The following HS6ST3 variants were observed in gnomAD, a reference collection of about 807,000 sequenced individuals.
The protein encoded by HS6ST3 is heparan sulfate 6-O-sulfotransferase 3, also known as heparan-sulfate 6-O-sulfotransferase 3.
A neutral mutation model predicts 36.7 loss-of-function variants in HS6ST3; 12 were observed. The observed-to-expected ratio is 0.33, with a 90% CI of 0.21 to 0.53. The LOEUF (loss-of-function observed/expected upper bound fraction) is 0.53, where lower values mean the gene tolerates loss of function less well. Among genes scored for constraint, HS6ST3 ranks in the 20% least tolerant of loss-of-function variants. The pLI is 0.95. For missense variants in HS6ST3, 584 were observed against 640.9 expected, an observed-to-expected ratio of 0.91 and a Z score of 0.96; for synonymous variants, 240 against 257.5, an observed-to-expected ratio of 0.93 and a Z score of 0.65.
rs546614680 is a variant in HS6ST3 at position 96,599,351 on chromosome 13, T to C, written c.708-233139T>C. 7.3e-4 allele frequency among the ~76,000 whole-genome samples: 111 copies of C among 152,206 alleles called. 3 individuals carry two copies. Among genetic ancestry groups the C allele is most frequent in the Admixed American group, 6.5e-3 (99 of 15,280 alleles). Reference sequence around the variant, plus strand: ...CAGTCTGTTCAAAATTTCTATTTCTTCCTGATTCAGGCTTGGAAGATCGCA... The same window carrying C: ...CAGTCTGTTCAAAATTTCTATTTCTCCCTGATTCAGGCTTGGAAGATCGCA... On this transcript the variant is annotated intron_variant, in intron 1 of 1. Coordinates refer to ENST00000376705, the MANE Select transcript of HS6ST3 (RefSeq NM_153456.4).
At chr13:96,465,875 T>G (rs1286258288) in intron 1 of HS6ST3, among the ~76,000 whole-genome samples, 6 of 152,196 alleles carry the variant, frequency 3.9e-5, no homozygotes, top group Non-Finnish European at 8.8e-5. Context: ...ATTTTAAATT[T>G]TTAAAGATTT....
intron 1 of HS6ST3, among the ~76,000 whole-genome samples, chr13:96,118,643 A>AATATATATATAT: frequency 2.9e-5 from 2 of 67,984 alleles, no homozygotes; most frequent in African/African-American, 1.2e-4. Context: ...AAGAACATTA[A>AATATATATATAT]AGATATATAT....
intron 1 of HS6ST3, among the ~76,000 whole-genome samples, chr13:96,672,162 T>C (rs1348706028): frequency 2.0e-5 from 3 of 152,170 alleles, no homozygotes; most frequent in African/African-American, 7.2e-5. Context: ...GATTTTGCTC[T>C]CTTGTGTCTT....
intron 1 of HS6ST3, among the ~76,000 whole-genome samples, chr13:96,699,166 A>G (rs1259796433): frequency 6.6e-6 from 1 of 152,184 alleles, no homozygotes; most frequent in African/African-American, 2.4e-5. Flanking sequence ...AACCTAGGCA[A>G]TACCATTCAG....
chr13:96,722,615 A>G (rs978643060), intron 1 of HS6ST3, among the ~76,000 whole-genome samples: 3 of 152,166 alleles, frequency 2.0e-5, no homozygotes, highest in Non-Finnish European at 4.4e-5. Context: ...AACTCTGGGA[A>G]CCTTATTTTA....
chr13:96,119,832 A>T (rs1395526908), intron 1 of HS6ST3, among the ~76,000 whole-genome samples: 1 of 136,702 alleles, frequency 7.3e-6, no homozygotes, highest in Non-Finnish European at 1.6e-5. Flanking sequence ...TTGCCTTACG[A>T]TTAAAATTAC....
At chr13:96,620,079 A>G (rs1334822179) in intron 1 of HS6ST3, among the ~76,000 whole-genome samples, 1 of 152,196 alleles carries the variant, frequency 6.6e-6, no homozygotes, top group Non-Finnish European at 1.5e-5. Flanking sequence ...GAAAGTTTAT[A>G]GACTTTGGTG....
chr13:96,308,830 G>C (rs182509481), intron 1 of HS6ST3, among the ~76,000 whole-genome samples: 3 of 152,146 alleles, frequency 2.0e-5, no homozygotes, highest in East Asian at 3.9e-4. Context: ...CTAGTGGTAC[G>C]CATGATATAG....
In HS6ST3 at chr13:96,367,456, A is replaced by T. The variant is rs142139665; in HGVS notation, c.707+275887A>T. 8.4e-3 allele frequency among the ~76,000 whole-genome samples: 1,279 copies of T among 152,352 alleles called. 10 individuals are homozygous for T. Among genetic ancestry groups the T allele is most frequent in the South Asian group, 0.032 (153 of 4,826 alleles). ...TGTAATTAGTGTGTTTTAAGTAAAT[A>T]TTGATCCACAACTTCCTCAAATCAT... On this transcript the variant is annotated intron_variant, in intron 1 of 1. Transcript: ENST00000376705.
At chr13:96,600,446 T>C (rs949083814) in intron 1 of HS6ST3, among the ~76,000 whole-genome samples, 1 of 152,048 alleles carries the variant, frequency 6.6e-6, no homozygotes, top group Non-Finnish European at 1.5e-5. Context: ...TTGTTTACTG[T>C]GCTGTTTTAA....
chr13:96,149,107 A>C (rs2054071693), intron 1 of HS6ST3, among the ~76,000 whole-genome samples: 1 of 152,220 alleles, frequency 6.6e-6, no homozygotes, highest in Non-Finnish European at 1.5e-5. Context: ...CAGGGAAACA[A>C]ACTAGACTTG....
Position 96,414,408 on chromosome 13 carries a change from C to CATTT in HS6ST3, c.707+322841_707+322844dup, listed in dbSNP as rs532117711. ...GCAAAATATGAGGTCCAAAGAGGTA[C>CATTT]ATTTACCCAAAGCCAAATATTAGCT... On this transcript the variant is annotated intron_variant, in intron 1 of 1. Coordinates refer to ENST00000376705, the MANE Select transcript of HS6ST3 (RefSeq NM_153456.4). Among the ~76,000 whole-genome samples the CATTT allele has an allele frequency of 4.6e-5, 7 of 152,302 alleles. No homozygotes were observed. In the South Asian group the frequency reaches 1.2e-3, roughly 27 times the overall value.
chr13:96,534,061 A>G (rs2138936773), intron 1 of HS6ST3, among the ~76,000 whole-genome samples: 1 of 152,288 alleles, frequency 6.6e-6, no homozygotes, highest in Middle Eastern at 3.4e-3. Flanking sequence ...CTAGCATCAC[A>G]CATTATTCCT....
At chr13:96,116,698 A>G (rs1236007395) in intron 1 of HS6ST3, among the ~76,000 whole-genome samples, 1 of 152,210 alleles carries the variant, frequency 6.6e-6, no homozygotes, top group Non-Finnish European at 1.5e-5. Context: ...ATAGCAAGTG[A>G]TAAATTGCAG....
At chr13:96,109,075 A>T (rs542947571) in intron 1 of HS6ST3, among the ~76,000 whole-genome samples, 1 of 152,300 alleles carries the variant, frequency 6.6e-6, no homozygotes, top group East Asian at 1.9e-4. Context: ...AATGGTTAAA[A>T]ATTGTTCAGC....
chr13:96,103,197 C>T (rs1296025379), intron 1 of HS6ST3, among the ~76,000 whole-genome samples: 1 of 151,960 alleles, frequency 6.6e-6, no homozygotes, highest in African/African-American at 2.4e-5. Flanking sequence ...TTTTTAAAAC[C>T]TAAAGAGAGA....
chr13:96,490,818 T>C (rs74106480), intron 1 of HS6ST3, among the ~76,000 whole-genome samples: 2,178 of 152,340 alleles, frequency 0.014, 54 homozygotes, highest in African/African-American at 0.049. Context: ...GCTCTGGTTC[T>C]ATTATTGTAT....
intron 1 of HS6ST3, among the ~76,000 whole-genome samples, chr13:96,131,575 C>T (rs74521101): frequency 0.023 from 3,563 of 152,126 alleles, 54 homozygotes; most frequent in Non-Finnish European, 0.037. Context: ...CTAAAATCTA[C>T]TTTTCTAGCA....
intron 1 of HS6ST3, among the ~76,000 whole-genome samples, chr13:96,496,280 T>C (rs1224606935): frequency 6.6e-6 from 1 of 152,198 alleles, no homozygotes; most frequent in East Asian, 1.9e-4. Context: ...AGAGAAGGTC[T>C]GAAGTTCCTA....
Sources: allele counts gnomAD v4.1 joint callset (sites outside exome capture counted in the v4.1 genomes callset), GRCh38; gene constraint gnomAD v4.1.1; transcripts MANE v1.5; gene names NCBI Gene and HGNC (gene_info 2026-07-23, HGNC 2026-07-21).